Variants in MYO5B observed in about 807,000 individuals in gnomAD.
MYO5B encodes unconventional myosin-Vb.
In MYO5B, 143 loss-of-function variants were observed where a neutral mutation model predicts 229.3. The ratio of observed to expected loss-of-function variants is 0.62; its 90% CI spans 0.54 to 0.72. The LOEUF (loss-of-function observed/expected upper bound fraction) is 0.72, where lower values mean the gene tolerates loss of function less well. MYO5B is among the 30% of genes least tolerant of loss of function. The pLI, the probability that MYO5B is intolerant of heterozygous loss-of-function variation, is 0.00. For missense variants in MYO5B, 2,321 were observed against 2,331.0 expected (o/e 1.00, Z 0.09); for synonymous variants, 918 against 885.2 (o/e 1.04, Z -0.66).
rs1299767706 is a variant in MYO5B, at chr18:50,171,485, T to C, written c.27+23282A>G. On this transcript the variant is annotated intron_variant, in intron 1 of 39. Transcript: ENST00000285039. ...ATTCCAGGCAGATACAGCATGGATA[T>C]GGAAAACTCAAGGTACATTCAGACG... Among the ~76,000 whole-genome samples the C allele has an allele frequency of 5.5e-5, 7 of 127,706 alleles. 1 individual carries two copies. The highest frequency in any genetic ancestry group is 1.2e-4 in the Non-Finnish European group (7 of 59,922). 83.8% of individuals were successfully genotyped at this position (127,706 alleles called of 152,430 possible). A position where few individuals can be genotyped will look rare whatever the true frequency, so the allele number is the denominator to read the frequency against.
At chr18:50,062,399 A>G (rs1388165800) in intron 1 of MYO5B, among the ~76,000 whole-genome samples, 1 of 152,208 alleles carries the variant, frequency 6.6e-6, no homozygotes, top group Non-Finnish European at 1.5e-5. Flanking sequence ...CAAGAACAGG[A>G]ACACTGGTCT....
chr18:50,004,215 A>G (rs913828188), intron 4 of MYO5B, among the ~76,000 whole-genome samples: 14 of 152,228 alleles, frequency 9.2e-5, no homozygotes, highest in Non-Finnish European at 2.9e-5. Flanking sequence ...AGGTCACGTG[A>G]CAAGTGTCAA....
chr18:50,005,006 T>C (rs895020996), intron 4 of MYO5B, among the ~76,000 whole-genome samples: 1 of 152,164 alleles, frequency 6.6e-6, no homozygotes, highest in African/African-American at 2.4e-5. Flanking sequence ...CTCAGTTCAG[T>C]CTGTTAGAAC....
At chr18:50,135,309 C>T (rs1484731785) in intron 1 of MYO5B, among the ~76,000 whole-genome samples, 1 of 152,144 alleles carries the variant, frequency 6.6e-6, no homozygotes, top group Non-Finnish European at 1.5e-5. Flanking sequence ...AGCAGACAGG[C>T]GAGTCCAGAA....
chr18:49,869,920 T>A (rs907036245), intron 27 of MYO5B, among the ~76,000 whole-genome samples: 6 of 152,128 alleles, frequency 3.9e-5, no homozygotes, highest in Non-Finnish European at 8.8e-5. Context: ...TCTCATTACT[T>A]CTAAAAGGGT....
At position 49,839,134 on chromosome 18, in the gene MYO5B, G is replaced by T; in HGVS notation, c.4852+10C>A. 1.2e-6 allele frequency: 2 copies of T among 1,612,690 alleles called. No individual in the cohort carries two copies. Among genetic ancestry groups the T allele is most frequent in the Non-Finnish European group, 1.7e-6 (2 of 1,179,938 alleles). ...TGATGAGTGATGTAGCTCTCCTGCT[G>T]CCAGCTTACCTATCATCGGCTGTAA... On this transcript the variant is annotated intron_variant, in intron 36 of 39. Coordinates refer to ENST00000285039, the MANE Select transcript of MYO5B (RefSeq NM_001080467.3).
chr18:49,831,868 T>C (rs2144022603), intron 39 of MYO5B, among the ~76,000 whole-genome samples: 1 of 152,140 alleles, frequency 6.6e-6, no homozygotes, highest in Middle Eastern at 3.4e-3. Context: ...CATCAACCAA[T>C]GAATAGACAG....
At chr18:49,995,395 C>A (rs957107418) in intron 5 of MYO5B, among the ~76,000 whole-genome samples, 1 of 150,416 alleles carries the variant, frequency 6.6e-6, no homozygotes, top group African/African-American at 2.4e-5. Context: ...GCTGGAACTA[C>A]AGGCGCCCAC....
At chr18:50,128,852 G>C (rs577298018) in intron 1 of MYO5B, among the ~76,000 whole-genome samples, 2 of 152,312 alleles carry the variant, frequency 1.3e-5, no homozygotes, top group East Asian at 3.9e-4. Context: ...GTGAGAAGGG[G>C]GAAACCACCT....
chr18:49,921,045 T>A (rs2025068812), intron 17 of MYO5B, among the ~76,000 whole-genome samples: 1 of 152,196 alleles, frequency 6.6e-6, no homozygotes. Flanking sequence ...GGGAAGTAAC[T>A]GTGCGTCTGT....
chr18:50,035,650 G>T (rs2026440289), intron 4 of MYO5B, among the ~76,000 whole-genome samples: 1 of 152,212 alleles, frequency 6.6e-6, no homozygotes, highest in Admixed American at 6.5e-5. Flanking sequence ...TCAATGAGTT[G>T]CCAAGCTAAG....
intron 1 of MYO5B, among the ~76,000 whole-genome samples, chr18:50,163,298 G>C (rs1368969772): frequency 6.6e-6 from 1 of 152,180 alleles, no homozygotes; most frequent in East Asian, 1.9e-4. Flanking sequence ...ACTTGCAGTG[G>C]GGAGAGAGCT....
intron 31 of MYO5B, among the ~76,000 whole-genome samples, chr18:49,852,303 A>G (rs2024210520): frequency 6.6e-6 from 1 of 152,182 alleles, no homozygotes; most frequent in African/African-American, 2.4e-5. Context: ...TGCATTTCCT[A>G]GGCTGCCTCC....
intron 1 of MYO5B, among the ~76,000 whole-genome samples, chr18:50,154,075 C>A (rs1435355877): frequency 6.6e-6 from 1 of 152,144 alleles, no homozygotes; most frequent in Admixed American, 6.5e-5. Context: ...CCACAATTGA[C>A]CTCCCAAAGC....
chr18:50,113,694 G>A lies in MYO5B; in HGVS notation c.28-58316C>T, dbSNP rs191244236. ...CCTGAAGGGTTGAAGTTAGTGTGAG[G>A]GTCTTTTCTCATGGCAGAGTCCATC... On this transcript the variant is annotated intron_variant, in intron 1 of 39. Transcript: ENST00000285039. 3.3e-5 allele frequency among the ~76,000 whole-genome samples: 5 copies of A among 152,278 alleles called. No individual in the cohort carries two copies. In the East Asian group the frequency reaches 9.6e-4, roughly 29 times the overall value.
chr18:49,894,011 C>A (rs2144129218), intron 22 of MYO5B, among the ~76,000 whole-genome samples: 1 of 152,284 alleles, frequency 6.6e-6, no homozygotes, highest in Admixed American at 6.5e-5. Context: ...TAAATATACA[C>A]ACAGATGAGG....
At chr18:49,855,182 A>G (rs1021270465) in intron 30 of MYO5B, among the ~76,000 whole-genome samples, 1 of 152,232 alleles carries the variant, frequency 6.6e-6, no homozygotes, top group Admixed American at 6.5e-5. Flanking sequence ...GTTCTAGGCG[A>G]GCTGCCCTGA....
Position 50,038,811 on chromosome 18 carries a change from C to G in MYO5B, c.310+1332G>C, listed in dbSNP as rs2029912906. On this transcript the variant is annotated intron_variant, in intron 3 of 39. Coordinates refer to ENST00000285039, the MANE Select transcript of MYO5B (RefSeq NM_001080467.3). Reference sequence around the variant, plus strand: ...CCTGATGGTCACTTATCTTTTTCTCCTAAAATAGGAGTCAAATTTTAAAAG... The same window carrying G: ...CCTGATGGTCACTTATCTTTTTCTCGTAAAATAGGAGTCAAATTTTAAAAG... 1.3e-5 allele frequency among the ~76,000 whole-genome samples: 2 copies of G among 152,126 alleles called. 1 individual carries two copies. Among genetic ancestry groups the G allele is most frequent in the South Asian group, 4.1e-4 (2 of 4,822 alleles).
At chr18:50,030,277 C>G (rs1029577091) in intron 4 of MYO5B, among the ~76,000 whole-genome samples, 3 of 152,098 alleles carry the variant, frequency 2.0e-5, no homozygotes, top group African/African-American at 7.2e-5. Flanking sequence ...GCATAGCTTC[C>G]TCGCTCCCTT....
Sources: allele counts gnomAD v4.1 joint callset (sites outside exome capture counted in the v4.1 genomes callset), GRCh38; gene constraint gnomAD v4.1.1; transcripts MANE v1.5; gene names NCBI Gene and HGNC (gene_info 2026-07-23, HGNC 2026-07-21).